Variants in MOV10L1 observed in about 807,000 individuals in gnomAD.
MOV10L1 encodes the protein RNA helicase Mov10l1.
MOV10L1 carries 110 observed loss-of-function variants against 143.8 expected under a neutral mutation model. That is an observed-to-expected ratio of 0.76 (90% CI 0.66 to 0.90). The LOEUF (loss-of-function observed/expected upper bound fraction) is 0.90, where lower values mean the gene tolerates loss of function less well. Among genes scored for constraint, MOV10L1 ranks in the 40% least tolerant of loss-of-function variants. The probability of loss-of-function intolerance (pLI) is 0.00; values close to 1 mark genes in which losing one functional copy is unlikely to be tolerated. For synonymous variants in MOV10L1, 593 were observed against 581.1 expected (o/e 1.02, Z -0.29); for missense variants, 1,406 against 1,526.8 (o/e 0.92, Z 1.32).
intron 18 of MOV10L1, among the ~76,000 whole-genome samples, chr22:50,144,681 A>C (rs2063093412): frequency 6.6e-6 from 1 of 151,022 alleles, no homozygotes; most frequent in Admixed American, 6.6e-5. Context: ...TCCCAGGTTC[A>C]CACCATTCTC....
At chr22:50,157,816 C>T (rs2063465279) in intron 22 of MOV10L1, among the ~76,000 whole-genome samples, 1 of 150,754 alleles carries the variant, frequency 6.6e-6, no homozygotes, top group South Asian at 2.1e-4. Flanking sequence ...CACTCCGGGG[C>T]TCAGACCTGA....
chr22:50,121,648 G>A (rs145586510), intron 10 of MOV10L1, among the ~76,000 whole-genome samples: 4 of 152,296 alleles, frequency 2.6e-5, no homozygotes, highest in Admixed American at 2.0e-4. Flanking sequence ...GTCACTTTGA[G>A]TTTGTAGGCA....
chr22:50,109,521 A>T (rs1211531084), intron 5 of MOV10L1, among the ~76,000 whole-genome samples: 5 of 151,730 alleles, frequency 3.3e-5, no homozygotes, highest in Admixed American at 6.6e-5. Context: ...AATACAAAAA[A>T]TTAGCCGGGC....
intron 5 of MOV10L1, among the ~76,000 whole-genome samples, chr22:50,111,009 C>T (rs142060737): frequency 2.6e-3 from 390 of 152,296 alleles, no homozygotes; most frequent in African/African-American, 8.9e-3. Context: ...CTTCCCTGAG[C>T]TCCCTACTTG....
intron 3 of MOV10L1, among the ~76,000 whole-genome samples, chr22:50,100,949 G>A (rs1188998836): frequency 6.6e-6 from 1 of 152,210 alleles, no homozygotes; most frequent in Non-Finnish European, 1.5e-5. Context: ...TGGTGAAGAC[G>A]GAGCTGGACT....
At position 50,114,593 on chromosome 22, in the gene MOV10L1, G is replaced by A. The variant is rs1047546987; in HGVS notation, c.1097G>A (p.Ser366Asn). ...KNKTSQMSES[S>N]LVNNRGISPG... ...AAAACCTCTCAGATGTCGGAGAGCA[G>A]TTTGGTGAACAACAGAGGAATCTCT... The change falls in exon 7 of 27, where the codon AGT becomes AAT. Residue 366 changes from serine to asparagine, a missense_variant. Transcript: ENST00000262794. The A allele has an allele frequency of 6.2e-7, 1 of 1,614,012 alleles. No individual in the cohort carries two copies. The highest frequency in any genetic ancestry group is 8.5e-7 in the Non-Finnish European group (1 of 1,180,032).
intron 19 of MOV10L1, among the ~76,000 whole-genome samples, chr22:50,148,647 C>T (rs891085174): frequency 2.7e-5 from 4 of 150,922 alleles, no homozygotes; most frequent in African/African-American, 4.9e-5. Context: ...TTCTAGAGAC[C>T]GCATTTTCTT....
Position 50,113,655 on chromosome 22 carries a change from G to T in MOV10L1, c.751G>T (p.Ala251Ser). The T allele has an allele frequency of 1.2e-6, 2 of 1,613,272 alleles. No homozygotes were observed. The highest frequency in any genetic ancestry group is 1.7e-6 in the Non-Finnish European group (2 of 1,179,762). The change falls in exon 6 of 27, where the codon GCC (alanine) becomes TCC (serine). Residue 251 changes from alanine (A) to serine (S), a missense_variant. By Grantham distance (99) the Ala-to-Ser change is moderately conservative. Around this residue, in one of 3 missense-constraint regions of MOV10L1, gnomAD observed 1,233 missense variants for 1,351.4 expected, o/e 0.91. Coordinates refer to ENST00000262794, the MANE Select transcript of MOV10L1 (RefSeq NM_018995.3). ...CTGGGGCTCTTTTTTCAGAGACGCC[G>T]CCCCTGTTCATGAGGCCACTCATTT... The part of the protein sequence containing the change: ...CMTLVKRRDA[A>S]PVHEATHFYG...
rs147095949 is a variant in MOV10L1 at position 50,119,733 on chromosome 22, T to G, written c.1455-769T>G. On this transcript the variant is annotated intron_variant, in intron 9 of 26. Coordinates refer to ENST00000262794, the MANE Select transcript of MOV10L1 (RefSeq NM_018995.3). The stretch of plus-strand genomic sequence containing the variant: ...AATGTCTTCACCCCGTTTCTCCTGT[T>G]GAGGGCTGAGCCAGTGGAACCCAAA... Among the ~76,000 whole-genome samples, 493 of 151,132 alleles carry G rather than the reference T, an allele frequency of 3.3e-3. 2 individuals carry two copies. The highest frequency in any genetic ancestry group is 0.027 in the Middle Eastern group (8 of 292).
chr22:50,126,180 T>C (rs1163448815), intron 11 of MOV10L1, 22 bp from the exon 12 acceptor site: 2 of 1,511,096 alleles, frequency 1.3e-6, no homozygotes, highest in African/African-American at 1.4e-5. Flanking sequence ...GCTTTAAACA[T>C]GGTAATATAT....
At chr22:50,130,221 G>A (rs1214074453) in intron 13 of MOV10L1, among the ~76,000 whole-genome samples, 2 of 152,100 alleles carry the variant, frequency 1.3e-5, no homozygotes, top group Non-Finnish European at 2.9e-5. Context: ...GTTGCGGTGA[G>A]CTGAGATCAT....
intron 2 of MOV10L1, chr22:50,093,602 G>A (rs2062510955): frequency 6.6e-6 from 1 of 152,076 alleles, no homozygotes; most frequent in South Asian, 2.1e-4. Context: ...TGGAACTCCT[G>A]AGCTCAAGCG....
intron 16 of MOV10L1, 144 bp from the exon 17 acceptor site, chr22:50,142,899 G>T: frequency 1.4e-6 from 1 of 695,236 alleles, no homozygotes; most frequent in Non-Finnish European, 2.5e-6. Flanking sequence ...TCTTACCCCT[G>T]GTCACACTGA....
At chr22:50,160,640 C>T (rs2063535005) in intron 24 of MOV10L1, 48 bp from the exon 25 acceptor site, 1 of 1,579,238 alleles carries the variant, frequency 6.3e-7, no homozygotes, top group Non-Finnish European at 8.6e-7. Context: ...TCTTCATGCC[C>T]CCCAAAAACT....
chr22:50,105,410 G>T (rs951487163), intron 3 of MOV10L1, among the ~76,000 whole-genome samples: 3 of 152,156 alleles, frequency 2.0e-5, no homozygotes, highest in African/African-American at 4.8e-5. Flanking sequence ...TTAAGAAAGG[G>T]CTTCATCGAA....
intron 1 of MOV10L1, chr22:50,090,423 T>C: frequency 6.3e-7 from 1 of 1,589,446 alleles, no homozygotes; most frequent in Non-Finnish European, 8.6e-7. Context: ...CCAGCCCCTC[T>C]TCCCGCCCTC....
chr22:50,108,640 C>T lies in MOV10L1; in HGVS notation c.556-17C>T. 3 of 1,613,266 alleles carry T rather than the reference C, an allele frequency of 1.9e-6. No homozygotes were observed. The highest frequency in any genetic ancestry group is 1.7e-6 in the Non-Finnish European group (2 of 1,179,480). Reference sequence around the variant, plus strand: ...TGCAGCATCTGCTTCCTGTGACGCTCAGCTCTCTGCTCCCAGGTCTGCATC... The same window carrying T: ...TGCAGCATCTGCTTCCTGTGACGCTTAGCTCTCTGCTCCCAGGTCTGCATC... On this transcript the variant is annotated splice_polypyrimidine_tract_variant and intron_variant, in intron 4 of 26. Coordinates refer to ENST00000262794, the MANE Select transcript of MOV10L1 (RefSeq NM_018995.3).
chr22:50,143,293 T>G (rs2063042988), intron 17 of MOV10L1, 72 bp downstream of exon 17: 1 of 1,497,128 alleles, frequency 6.7e-7, no homozygotes, highest in Non-Finnish European at 9.3e-7. Context: ...CTTCAGGAAG[T>G]GTGAGTTTAG....
chr22:50,159,639 C>A lies in MOV10L1; in HGVS notation c.3217-39C>A. The stretch of plus-strand genomic sequence containing the variant: ...GGAAAAGAAAAGAAATGGATTTGTA[C>A]AGTGTTATCTTTAGTCTTTCTTTTA... On this transcript the variant is annotated intron_variant, in intron 23 of 26. Transcript: ENST00000262794. This position sits in a 1 kb window ranked among gnomAD's most constrained non-coding sequence, Gnocchi z 4.1. 3 of 1,269,070 alleles carry A rather than the reference C, an allele frequency of 2.4e-6. No homozygotes were observed. The highest frequency in any genetic ancestry group is 3.4e-6 in the Non-Finnish European group (3 of 890,600). 78.6% of individuals were successfully genotyped at this position (1,269,070 alleles called of 1,614,324 possible).
Sources: gnomAD v4.1 joint callset for allele counts (sites outside exome capture counted in the v4.1 genomes callset) on GRCh38, gnomAD v4.1.1 for gene constraint, gnomAD v4.1.1 regional missense constraint, Gnocchi (gnomAD v3.1) non-coding constraint, MANE v1.5 for transcripts, NCBI Gene and HGNC (gene_info 2026-07-23, HGNC 2026-07-21) for gene names.